ARID5B: variants seen among roughly 807,000 people sequenced by gnomAD.
ARID5B encodes AT-rich interaction domain 5B, also known as AT-rich interactive domain-containing protein 5B.
A neutral mutation model predicts 97.2 loss-of-function variants in ARID5B; 13 were observed. The ratio of observed to expected loss-of-function variants is 0.13; its 90% CI spans 0.09 to 0.21. The LOEUF is 0.21. ARID5B is among the 10% of genes least tolerant of loss of function. The pLI is 1.00. For synonymous variants in ARID5B, 556 were observed against 570.3 expected, an observed-to-expected ratio of 0.97 and a Z score of 0.36; for missense variants, 1,210 against 1,465.3, an observed-to-expected ratio of 0.83 and a Z score of 2.84.
chr10:61,906,320 TA>T (rs2132752304), intron 2 of ARID5B, among the ~76,000 whole-genome samples: 1 of 152,342 alleles, frequency 6.6e-6, no homozygotes, highest in South Asian at 2.1e-4. Flanking sequence ...TGCAAGGAGT[TA>T]AGTGTCTTTA....
At chr10:62,006,664 G>C (rs1839150721) in intron 4 of ARID5B, among the ~76,000 whole-genome samples, 1 of 152,188 alleles carries the variant, frequency 6.6e-6, no homozygotes, top group African/African-American at 2.4e-5. Flanking sequence ...AAGAGAGTAA[G>C]ACAAAAGTAG....
At chr10:62,030,815 G>T (rs979097980) in intron 4 of ARID5B, among the ~76,000 whole-genome samples, 1 of 152,174 alleles carries the variant, frequency 6.6e-6, no homozygotes, top group Non-Finnish European at 1.5e-5. Flanking sequence ...TTTTTGGAGC[G>T]CAAAGGGTCT....
In ARID5B at chr10:62,092,269, G is replaced by A; in HGVS notation, c.2806G>A (p.Gly936Ser). The change falls in exon 10 of 10, where the codon GGC (glycine) becomes AGC (serine). Residue 936 changes from glycine to serine, a missense_variant. Gly to Ser is a moderately conservative substitution (Grantham distance 56). Coordinates refer to ENST00000279873, the MANE Select transcript of ARID5B (RefSeq NM_032199.3). ...CACCACAGGGCCCCAGGAGAGCAAA[G>A]GCATCTCCCAGTTCCAGGTCTTAGG... ...HSTTGPQESKGISQFQVLGSQ... is the reference protein window; with the variant it reads ...HSTTGPQESKSISQFQVLGSQ... 6.2e-7 allele frequency: 1 copy of A among 1,606,926 alleles called. No homozygotes were observed. Among genetic ancestry groups the A allele is most frequent in the Non-Finnish European group, 8.5e-7 (1 of 1,176,994 alleles).
At chr10:62,050,629 T>G (rs2132930824) in intron 4 of ARID5B, among the ~76,000 whole-genome samples, 1 of 152,340 alleles carries the variant, frequency 6.6e-6, no homozygotes, top group East Asian at 1.9e-4. Flanking sequence ...CCTTTAGAGC[T>G]AAGAGCTTCG....
intron 2 of ARID5B, among the ~76,000 whole-genome samples, chr10:61,907,931 C>T (rs1018738804): frequency 1.3e-5 from 2 of 152,212 alleles, no homozygotes; most frequent in Non-Finnish European, 2.9e-5. Context: ...CTGGCCTATG[C>T]GGTTGATCTG....
intron 3 of ARID5B, among the ~76,000 whole-genome samples, chr10:61,977,244 A>G (rs1380564142): frequency 6.6e-6 from 1 of 152,148 alleles, no homozygotes. Flanking sequence ...CCTTTTCTTT[A>G]TCCAGTCTAT....
chr10:62,034,974 C>T (rs758692718), intron 4 of ARID5B, among the ~76,000 whole-genome samples: 1 of 152,156 alleles, frequency 6.6e-6, no homozygotes, highest in Non-Finnish European at 1.5e-5. Flanking sequence ...CTAGGAGAGC[C>T]AGTAGCCCGG....
At chr10:62,019,164 G>A (rs1206366246) in intron 4 of ARID5B, among the ~76,000 whole-genome samples, 4 of 152,182 alleles carry the variant, frequency 2.6e-5, no homozygotes, top group Admixed American at 2.0e-4. Context: ...AACATTCCAA[G>A]TGCTAGCACA....
Position 62,093,248 on chromosome 10 carries a change from C to A in ARID5B, c.*218C>A. 3.5e-6 allele frequency: 2 copies of A among 570,556 alleles called. No individual in the cohort carries two copies. The highest frequency in any genetic ancestry group is 3.1e-5 in the South Asian group (1 of 32,194). 35.3% of individuals were successfully genotyped at this position (570,556 alleles called of 1,614,324 possible). ...TGGCTGGTGAGTCTTGACTCCCTTC[C>A]AACACAGATGCCCAGGCACCTCCAG... On this transcript the variant is annotated 3_prime_UTR_variant, in exon 10 of 10. Coordinates refer to ENST00000279873, the MANE Select transcript of ARID5B (RefSeq NM_032199.3).
chr10:61,919,295 C>T (rs570964561), intron 2 of ARID5B, among the ~76,000 whole-genome samples: 1 of 152,262 alleles, frequency 6.6e-6, no homozygotes, highest in Admixed American at 6.5e-5. Flanking sequence ...AAAAAAGTTT[C>T]CTGTATTTTC....
chr10:62,036,341 A>C (rs1180864449), intron 4 of ARID5B, among the ~76,000 whole-genome samples: 1 of 152,078 alleles, frequency 6.6e-6, no homozygotes, highest in Non-Finnish European at 1.5e-5. Flanking sequence ...AGAGGTCCTG[A>C]GTTCCCAAAG....
At position 62,000,436 on chromosome 10, in the gene ARID5B, C is replaced by A; in HGVS notation, c.733+115C>A. The A allele has an allele frequency of 1.1e-6, 1 of 948,878 alleles. No individual in the cohort carries two copies. Among genetic ancestry groups the A allele is most frequent in the Non-Finnish European group, 1.5e-6 (1 of 647,256 alleles). The allele number at this position is 948,878 out of a possible 1,614,324, so 58.8% of individuals were successfully genotyped here. On this transcript the variant is annotated intron_variant, in intron 4 of 9. Transcript: ENST00000279873. The surrounding 1 kb of genome is among the most constrained non-coding windows in gnomAD (Gnocchi z 4.4). ...GGCTCACTTTCACAAGCCCCATGTG[C>A]TGCCCCACCCCTCCCATCCCCCAAA...
At chr10:61,977,105 C>T (rs982510909) in intron 3 of ARID5B, among the ~76,000 whole-genome samples, 9 of 152,060 alleles carry the variant, frequency 5.9e-5, no homozygotes, top group African/African-American at 1.7e-4. Flanking sequence ...TGAGAACATG[C>T]GGTGTTTGGT....
intron 4 of ARID5B, among the ~76,000 whole-genome samples, chr10:62,010,440 A>C (rs905169510): frequency 6.6e-6 from 1 of 152,196 alleles, no homozygotes; most frequent in Non-Finnish European, 1.5e-5. Context: ...AAGAATCAAC[A>C]TGTTTGTTGA....
chr10:62,056,061 C>T (rs1432336851), intron 5 of ARID5B, among the ~76,000 whole-genome samples: 1 of 152,012 alleles, frequency 6.6e-6, no homozygotes, highest in Non-Finnish European at 1.5e-5. Context: ...AGAGTCTGAC[C>T]CTTTGTACTT....
chr10:61,914,759 C>A (rs1313278519), intron 2 of ARID5B, among the ~76,000 whole-genome samples: 1 of 152,156 alleles, frequency 6.6e-6, no homozygotes, highest in Admixed American at 6.5e-5. Context: ...TAAAATATCT[C>A]ATTTAATTCT....
chr10:62,024,404 C>A (rs1564630353), intron 4 of ARID5B, among the ~76,000 whole-genome samples: 2 of 152,192 alleles, frequency 1.3e-5, no homozygotes, highest in Admixed American at 6.5e-5. Flanking sequence ...AATGGTAACA[C>A]AACCACTCCT....
chr10:62,060,630 A>T (rs1461048453), intron 7 of ARID5B, among the ~76,000 whole-genome samples: 1 of 152,154 alleles, frequency 6.6e-6, no homozygotes, highest in East Asian at 1.9e-4. Context: ...TGAGCTAATT[A>T]TAGCCCTCAT....
intron 4 of ARID5B, among the ~76,000 whole-genome samples, chr10:62,034,109 C>T (rs1409450162): frequency 1.3e-5 from 2 of 152,102 alleles, no homozygotes; most frequent in South Asian, 2.1e-4. Flanking sequence ...GGATGTCGTC[C>T]TTTTCTGGTG....
Sources: gnomAD v4.1 joint callset for allele counts (sites outside exome capture counted in the v4.1 genomes callset) on GRCh38, gnomAD v4.1.1 for gene constraint, Gnocchi (gnomAD v3.1) non-coding constraint, MANE v1.5 for transcripts, NCBI Gene and HGNC (gene_info 2026-07-23, HGNC 2026-07-21) for gene names.